Variants in TNK2 observed in about 807,000 individuals in gnomAD.
TNK2 encodes tyrosine kinase non receptor 2.
TNK2 carries 83 observed loss-of-function variants against 101.8 expected under a neutral mutation model. The observed-to-expected ratio is 0.82, with a 90% confidence interval of 0.68 to 0.98. The LOEUF is 0.98. Among genes scored for constraint, TNK2 ranks in the 50% least tolerant of loss-of-function variants. The probability of loss-of-function intolerance (pLI) is 0.00; values close to 1 mark genes in which losing one functional copy is unlikely to be tolerated. For missense variants in TNK2, 1,665 were observed against 1,483.2 expected, an observed-to-expected ratio of 1.12 and a Z score of -2.01; for synonymous variants, 804 against 633.0, an observed-to-expected ratio of 1.27 and a Z score of -4.06.
chr3:195,870,931 G>A (rs1190067560), intron 10 of TNK2, among the ~76,000 whole-genome samples: 1 of 151,460 alleles, frequency 6.6e-6, no homozygotes, highest in Non-Finnish European at 1.5e-5. Flanking sequence ...TGGTGTGTGG[G>A]GGCCCGCTGT....
In TNK2 at chr3:195,885,418, T is replaced by C. The variant is rs924919859; in HGVS notation, c.235-385A>G. ...CCGCAGACTCCAGCCCTAACCCGCA[T>C]CGATGGAGCCGCAGGGGCCCTCCAC... On this transcript the variant is annotated intron_variant, in intron 3 of 15. Coordinates refer to ENST00000672887, the MANE Select transcript of TNK2 (RefSeq NM_001382273.1). This position sits in a 1 kb window ranked among gnomAD's most constrained non-coding sequence, Gnocchi z 4.7. The C allele has an allele frequency of 1.0e-4, 139 of 1,330,776 alleles. No individual in the cohort carries two copies. The highest frequency in any genetic ancestry group is 1.3e-4 in the Non-Finnish European group (136 of 1,016,782). The allele number at this position is 1,330,776 out of a possible 1,614,324, so 82.4% of individuals were successfully genotyped here.
intron 11 of TNK2, 175 bp downstream of exon 11, chr3:195,869,939 C>T: frequency 1.7e-6 from 1 of 588,390 alleles, no homozygotes; most frequent in Non-Finnish European, 3.0e-6. Context: ...GCGGATACAG[C>T]TGCCTGTCTT....
At position 195,870,133 on chromosome 3, in the gene TNK2, C is replaced by T. The variant is rs1434057902; in HGVS notation, c.1524G>A (p.Gln508=). Residue 508 remains glutamine (Q), a synonymous_variant, in exon 11 of 16, where the codon CAG becomes CAA. Transcript: ENST00000672887. ...TCTTACTTTTCACCCCTCCTAGATG[C>T]TGGGGGGGCCGGGAGGTGCTCAGTT... ...SVELSTSRPP[Q]HLGGVKREPP... 6.8e-7 allele frequency: 1 copy of T among 1,470,556 alleles called. No homozygotes were observed. The highest frequency in any genetic ancestry group is 2.5e-5 in the East Asian group (1 of 40,490). The allele number at this position is 1,470,556 out of a possible 1,614,324, so 91.1% of individuals were successfully genotyped here.
intron 5 of TNK2, 87 bp downstream of exon 5, chr3:195,883,070 T>A: frequency 6.5e-7 from 1 of 1,531,998 alleles, no homozygotes; most frequent in Non-Finnish European, 8.8e-7. Flanking sequence ...AGGGCGCCTC[T>A]GACCTTAGGA....
In TNK2 at chr3:195,868,339, C is replaced by G. The variant is rs557787667; in HGVS notation, c.1959G>C (p.Val653=). 107 of 1,601,962 alleles carry G rather than the reference C, an allele frequency of 6.7e-5. No individual in the cohort carries two copies. In the East Asian group the frequency reaches 7.1e-4, roughly 11 times the overall value. The change falls in exon 13 of 16, where the codon GTG becomes GTC. Residue 653 remains valine, a synonymous_variant. Transcript: ENST00000672887. The part of the protein sequence containing the change: ...PLPPPPAYDD[V]AQDEDDFEIC... ...TCTCAAAGTCATCCTCATCCTGGGC[C>G]ACGTCGTCATAGGCGGGCGGGGGGG... is the stretch of plus-strand genomic sequence containing the variant.
chr3:195,887,843 TGTGTGTGC>T (rs1181482390), intron 2 of TNK2, among the ~76,000 whole-genome samples: 3 of 136,198 alleles, frequency 2.2e-5, no homozygotes, highest in African/African-American at 8.1e-5. Context: ...CACGTGTGTG[TGTGTGTGC>T]GTGTCTGTGT....
At chr3:195,867,285 C>A (rs1366226125) in intron 13 of TNK2, 21 bp from the exon 14 acceptor site, 1 of 1,609,622 alleles carries the variant, frequency 6.2e-7, no homozygotes, top group Admixed American at 1.7e-5. Context: ...CCACCCCTGT[C>A]AGCACCACTA....
At chr3:195,892,617 G>T in intron 1 of TNK2, 1 of 1,450,412 alleles carries the variant, frequency 6.9e-7, no homozygotes, top group Non-Finnish European at 9.1e-7. Context: ...AACGGGGTGG[G>T]CCCCTCCGCT....
At position 195,878,205 on chromosome 3, in the gene TNK2, G is replaced by C. The variant is rs749345666; in HGVS notation, c.1256+48C>G. ...ATCTGTCCACAGGTCCCTCCGACCTGTGCCCTTCAAGCGATCCCAGGGCGG... is the reference window on the plus strand; with the variant it reads ...ATCTGTCCACAGGTCCCTCCGACCTCTGCCCTTCAAGCGATCCCAGGGCGG... On this transcript the variant is annotated intron_variant, in intron 9 of 15. Transcript: ENST00000672887. The surrounding 1 kb of genome is among the most constrained non-coding windows in gnomAD (Gnocchi z 4.7). 4.5e-5 allele frequency: 71 copies of C among 1,590,046 alleles called. No individual in the cohort carries two copies. The highest frequency in any genetic ancestry group is 5.9e-5 in the Non-Finnish European group (68 of 1,158,380).
chr3:195,889,537 C>T (rs1475823892), intron 1 of TNK2, among the ~76,000 whole-genome samples: 1 of 152,204 alleles, frequency 6.6e-6, no homozygotes, highest in Non-Finnish European at 1.5e-5. Context: ...CACGCATTAA[C>T]CATACCATTC....
rs1208423563 is a variant in TNK2 at position 195,882,005 on chromosome 3, C to T, written c.887+46G>A. On this transcript the variant is annotated intron_variant, in intron 6 of 15. Transcript: ENST00000672887. The surrounding 1 kb of genome is among the most constrained non-coding windows in gnomAD (Gnocchi z 4.2). ...CCAGAAAGCCCCAGAAGCTTTGAGG[C>T]CTGGGTCTGCAGGGACTCTGTGAGC... 6.4e-7 allele frequency: 1 copy of T among 1,573,560 alleles called. No homozygotes were observed. The highest frequency in any genetic ancestry group is 1.3e-5 in the African/African-American group (1 of 74,300).
Position 195,882,369 on chromosome 3 carries a change from C to G in TNK2, c.610-41G>C. 6.2e-7 allele frequency: 1 copy of G among 1,604,508 alleles called. No individual in the cohort carries two copies. Among genetic ancestry groups the G allele is most frequent in the Non-Finnish European group, 8.5e-7 (1 of 1,173,404 alleles). On this transcript the variant is annotated intron_variant, in intron 5 of 15. Coordinates refer to ENST00000672887, the MANE Select transcript of TNK2 (RefSeq NM_001382273.1). The surrounding 1 kb of genome is among the most constrained non-coding windows in gnomAD (Gnocchi z 4.2). ...AGGCAGGAGGAATGAGCTGGAGGAC[C>G]CTGCCCCTTCTCAGCAGCCCACGCT...
At chr3:195,896,164 C>T (rs930453011) in intron 1 of TNK2, 19 of 454,900 alleles carry the variant, frequency 4.2e-5, no homozygotes, top group African/African-American at 3.4e-4. Context: ...CCATCGCCGG[C>T]ACAGGAAGTC....
chr3:195,887,544 T>C (rs1036136807), intron 2 of TNK2, among the ~76,000 whole-genome samples: 13 of 152,238 alleles, frequency 8.5e-5, no homozygotes, highest in Admixed American at 3.9e-4. Flanking sequence ...TTATTACCTA[T>C]TTAGCTATTT....
rs996212400 is a variant in TNK2 at position 195,879,302 on chromosome 3, CAG to C, written c.888-129_888-128del. 156 of 1,451,758 alleles carry C rather than the reference CAG, an allele frequency of 1.1e-4. No individual in the cohort carries two copies. In the African/African-American group the frequency reaches 1.7e-3, roughly 16 times the overall value. The allele number at this position is 1,451,758 out of a possible 1,614,324, so 89.9% of individuals were successfully genotyped here. A position where few individuals can be genotyped will look rare whatever the true frequency, so the allele number is the denominator to read the frequency against. ...CTGTGCCAGGTTCAACAGTGGGTCT[CAG>C]GGGCGCCGTGTGAAGCGGGCAGGAC... On this transcript the variant is annotated intron_variant, in intron 6 of 15. Coordinates refer to ENST00000672887, the MANE Select transcript of TNK2 (RefSeq NM_001382273.1).
intron 1 of TNK2, chr3:195,896,212 G>A (rs1760472996): frequency 4.7e-6 from 2 of 422,144 alleles, no homozygotes; most frequent in South Asian, 3.2e-5. Flanking sequence ...GGGGCCCCAA[G>A]GCACCGCTTC....
At position 195,882,972 on chromosome 3, in the gene TNK2, G is replaced by A. The variant is rs1036024717; in HGVS notation, c.609+185C>T. ...CCAGCAAAATCCAGAGACAGACCCG[G>A]ACTGGACCGCAGCAGACACAGCCCG... On this transcript the variant is annotated intron_variant, in intron 5 of 15. Transcript: ENST00000672887. The surrounding 1 kb of genome is among the most constrained non-coding windows in gnomAD (Gnocchi z 4.2). Among the ~76,000 whole-genome samples, 1 of 152,164 alleles carries A rather than the reference G, an allele frequency of 6.6e-6. No individual in the cohort carries two copies. The highest frequency in any genetic ancestry group is 1.5e-5 in the Non-Finnish European group (1 of 68,028).
At chr3:195,895,406 G>A (rs1019072659) in intron 1 of TNK2, 2 of 1,529,650 alleles carry the variant, frequency 1.3e-6, no homozygotes, top group Non-Finnish European at 8.8e-7. Flanking sequence ...GGGGGGCCGG[G>A]CCTCGAGCAT....
intron 15 of TNK2, among the ~76,000 whole-genome samples, chr3:195,866,174 A>C (rs1404241175): frequency 1.3e-5 from 2 of 152,190 alleles, no homozygotes; most frequent in Non-Finnish European, 2.9e-5. Flanking sequence ...TAAACCTTTT[A>C]CAGGAAAGAC....
Sources: allele counts gnomAD v4.1 joint callset (sites outside exome capture counted in the v4.1 genomes callset), GRCh38; gene constraint gnomAD v4.1.1; non-coding constraint Gnocchi (gnomAD v3.1); transcripts MANE v1.5; gene names NCBI Gene and HGNC (gene_info 2026-07-23, HGNC 2026-07-21).